CCDC40: variants seen among roughly 807,000 people sequenced by gnomAD.
The protein encoded by CCDC40 is coiled-coil domain 40 molecular ruler complex subunit, also known as coiled-coil domain-containing protein 40.
A neutral mutation model predicts 124.5 loss-of-function variants in CCDC40; 104 were observed. The ratio of observed to expected loss-of-function variants is 0.84; its 90% CI spans 0.71 to 0.98. CCDC40 has a LOEUF of 0.98. Among genes scored for constraint, CCDC40 ranks in the 50% least tolerant of loss-of-function variants. The probability of loss-of-function intolerance (pLI) is 0.00; values close to 1 mark genes in which losing one functional copy is unlikely to be tolerated. For missense variants in CCDC40, 1,463 were observed against 1,503.9 expected (o/e 0.97, Z 0.45); for synonymous variants, 580 against 602.9 (o/e 0.96, Z 0.56).
chr17:80,085,385 G>A (rs759363516), intron 13 of CCDC40, among the ~76,000 whole-genome samples: 4 of 152,204 alleles, frequency 2.6e-5, no homozygotes, highest in Non-Finnish European at 5.9e-5. Context: ...GGCCTAATGC[G>A]TTTGAGGCCT....
chr17:80,038,401 C>A lies in CCDC40; in HGVS notation c.93+215C>A, dbSNP rs138108510. On this transcript the variant is annotated intron_variant, in intron 2 of 19. Coordinates refer to ENST00000397545, the MANE Select transcript of CCDC40 (RefSeq NM_017950.4). ...TAAAAATTAGCCGGGCGTGGTGGTGCGCACATGTAGTCCCAGCTACTCGGG... is the reference window on the plus strand; with the variant it reads ...TAAAAATTAGCCGGGCGTGGTGGTGAGCACATGTAGTCCCAGCTACTCGGG... Among the ~76,000 whole-genome samples the A allele has an allele frequency of 2.2e-3, 334 of 152,112 alleles. 3 individuals are homozygous for A. The highest frequency in any genetic ancestry group is 7.9e-3 in the African/African-American group (328 of 41,464).
At chr17:80,090,666 C>T (rs1056052410) in intron 17 of CCDC40, 81 of 1,434,826 alleles carry the variant, frequency 5.6e-5, no homozygotes, top group Non-Finnish European at 6.2e-5. Context: ...TTCACAGCCG[C>T]GTTGTCTCTC....
chr17:80,059,016 C>A, intron 9 of CCDC40, 36 bp downstream of exon 9: 1 of 1,613,910 alleles, frequency 6.2e-7, no homozygotes, highest in Non-Finnish European at 8.5e-7. Flanking sequence ...GTGTTCGACC[C>A]TCCAGTGAGT....
At chr17:80,095,564 G>T in intron 18 of CCDC40, 113 bp downstream of exon 18, 1 of 1,019,852 alleles carries the variant, frequency 9.8e-7, no homozygotes, top group Non-Finnish European at 1.5e-6. Context: ...GCTGCAGTGG[G>T]GGCGTGCTCA....
chr17:80,039,578 A>C (rs763048149), intron 2 of CCDC40, among the ~76,000 whole-genome samples: 7 of 151,522 alleles, frequency 4.6e-5, no homozygotes, highest in Non-Finnish European at 8.8e-5. Flanking sequence ...TACCCAGCTA[A>C]TTTTTGTATT....
intron 4 of CCDC40, among the ~76,000 whole-genome samples, chr17:80,047,826 A>T (rs529609898): frequency 6.6e-6 from 1 of 152,092 alleles, no homozygotes; most frequent in East Asian, 1.9e-4. Flanking sequence ...GCTTTCCAGA[A>T]CCCCTGTCTT....
At position 80,050,162 on chromosome 17, in the gene CCDC40, GA is replaced by G; in HGVS notation, c.1040del (p.Lys347ArgfsTer71). ...TGGTACACCTGCAGAAGCTGCTGGA[GA>G]AGAGTCACGACCGCCACGCAATGGC... ...HLVHLQKLLEKSHDRHAMASS... is the reference protein window; with the variant it reads ...HLVHLQKLLEXSHDRHAMASS... On this transcript the variant is annotated frameshift_variant, in exon 7 of 20. Coordinates refer to ENST00000397545, the MANE Select transcript of CCDC40 (RefSeq NM_017950.4). LOFTEE classifies it high-confidence loss of function. 6.2e-7 allele frequency: 1 copy of G among 1,613,588 alleles called. No individual in the cohort carries two copies. Among genetic ancestry groups the G allele is most frequent in the Non-Finnish European group, 8.5e-7 (1 of 1,179,994 alleles).
chr17:80,088,117 C>G lies in CCDC40; in HGVS notation c.2711+15C>G. On this transcript the variant is annotated intron_variant, in intron 16 of 19. Transcript: ENST00000397545. ...GTGGAAGCAGAGTGAGTCCCAGTCT[C>G]CAGCCACACGTGGGTCATGAAGGTC... 6.3e-7 allele frequency: 1 copy of G among 1,590,382 alleles called. No individual in the cohort carries two copies.
At chr17:80,090,249 AACACGGGACGCGCGCGGGCACG>A in intron 17 of CCDC40, 3 of 867,040 alleles carry the variant, frequency 3.5e-6, no homozygotes, top group Non-Finnish European at 3.3e-6. Flanking sequence ...GTGCACGAAC[AACACGGGACGCGCGCGGGCACG>A]TGCACGAACA....
In CCDC40 at chr17:80,087,438, C is replaced by T; in HGVS notation, c.2450-169C>T. 1.5e-6 allele frequency: 1 copy of T among 687,434 alleles called. No homozygotes were observed. The highest frequency in any genetic ancestry group is 2.7e-5 in the East Asian group (1 of 36,796). 42.6% of individuals were successfully genotyped at this position (687,434 alleles called of 1,614,324 possible). A position where few individuals can be genotyped will look rare whatever the true frequency, so the allele number is the denominator to read the frequency against. ...CCCCCTGTCCTCTCCTCTCCTCTGT[C>T]CTGGCAGGGACGAGATTCAGGCAGG... is the stretch of plus-strand genomic sequence containing the variant. On this transcript the variant is annotated intron_variant, in intron 14 of 19. Coordinates refer to ENST00000397545, the MANE Select transcript of CCDC40 (RefSeq NM_017950.4). This position sits in a 1 kb window ranked among gnomAD's most constrained non-coding sequence, Gnocchi z 4.5.
intron 7 of CCDC40, among the ~76,000 whole-genome samples, chr17:80,051,650 A>AAAAAAAAG (rs1441077591): frequency 1.4e-5 from 2 of 143,718 alleles, no homozygotes; most frequent in African/African-American, 5.1e-5. Flanking sequence ...AAAAAAAAAA[A>AAAAAAAAG]AAAAGAAAAA....
chr17:80,082,800 C>A (rs542891237), intron 12 of CCDC40, among the ~76,000 whole-genome samples: 1 of 152,348 alleles, frequency 6.6e-6, no homozygotes, highest in Admixed American at 6.5e-5. Flanking sequence ...GTCTGGGCAG[C>A]CCGATAGGTC....
At chr17:80,037,635 T>C (rs1213594133) in intron 1 of CCDC40, among the ~76,000 whole-genome samples, 1 of 145,806 alleles carries the variant, frequency 6.9e-6, no homozygotes, top group East Asian at 2.1e-4. Flanking sequence ...TCTTTGAACA[T>C]ATCTATATTC....
At position 80,089,864 on chromosome 17, in the gene CCDC40, G is replaced by T. The variant is rs374752606; in HGVS notation, c.2812G>T (p.Gly938Cys). Residue 938 changes from glycine to cysteine, a missense_variant, in exon 17 of 20, where the codon GGC becomes TGC. Transcript: ENST00000397545. ...IGQTEIRAMKGEIHRMKVRLG... is the reference protein window; with the variant it reads ...IGQTEIRAMKCEIHRMKVRLG... ...CCAGACGGAGATCCGGGCCATGAAGGGCGAGATCCACAGGATGAAGGTGAG... is the reference window on the plus strand; with the variant it reads ...CCAGACGGAGATCCGGGCCATGAAGTGCGAGATCCACAGGATGAAGGTGAG... 10 of 1,614,138 alleles carry T rather than the reference G, an allele frequency of 6.2e-6. No homozygotes were observed. The highest frequency in any genetic ancestry group is 8.5e-6 in the Non-Finnish European group (10 of 1,180,056).
chr17:80,097,156 G>C (rs2038824583), intron 18 of CCDC40, 89 bp from the exon 19 acceptor site: 1 of 1,384,918 alleles, frequency 7.2e-7, no homozygotes, highest in Admixed American at 1.7e-5. Context: ...TGTGTGGAAG[G>C]TGCCTGGCAG....
At chr17:80,091,342 C>CACACAGAGAGAGAG (rs1555594249) in intron 17 of CCDC40, among the ~76,000 whole-genome samples, 1 of 144,924 alleles carries the variant, frequency 6.9e-6, no homozygotes, top group African/African-American at 2.6e-5. Context: ...CACACACACA[C>CACACAGAGAGAGAG]AGAGAGAGAG....
At position 80,067,780 on chromosome 17, in the gene CCDC40, G is replaced by GC. The variant is rs2038085879; in HGVS notation, c.1562+2179dup. On this transcript the variant is annotated intron_variant, in intron 10 of 19. Transcript: ENST00000397545. ...TGCTAAGTAGGATTGTGACAGTCACGCCCCCGGCAGCGGTGTTTCAAAGTC... is the reference window on the plus strand; with the variant it reads ...TGCTAAGTAGGATTGTGACAGTCACGCCCCCCGGCAGCGGTGTTTCAAAGTC... The GC allele has an allele frequency of 3.2e-5, 47 of 1,461,740 alleles. No individual in the cohort carries two copies. The South Asian group carries it at 5.7e-4, about 18-fold the overall frequency. 90.5% of individuals were successfully genotyped at this position (1,461,740 alleles called of 1,614,324 possible).
Position 80,048,679 on chromosome 17 carries a change from T to G in CCDC40, c.773T>G (p.Met258Arg). Residue 258 changes from methionine (M) to arginine (R), a missense_variant, in exon 5 of 20, where the codon ATG (methionine) becomes AGG (arginine). By Grantham distance (91) the Met-to-Arg change is moderately conservative. Coordinates refer to ENST00000397545, the MANE Select transcript of CCDC40 (RefSeq NM_017950.4). ...CAGCCCAGCACCGAGGAGGGGGCCA[T>G]GGCAGAGAGAGTGGAGTCCGAGGGG... is the stretch of plus-strand genomic sequence containing the variant. ...IQQPSTEEGA[M>R]AERVESEGSD... 1 of 1,614,034 alleles carries G rather than the reference T, an allele frequency of 6.2e-7. No individual in the cohort carries two copies. The highest frequency in any genetic ancestry group is 8.5e-7 in the Non-Finnish European group (1 of 1,179,972).
intron 4 of CCDC40, 50 bp downstream of exon 4, chr17:80,047,452 A>C: frequency 6.3e-7 from 1 of 1,588,034 alleles, no homozygotes; most frequent in Non-Finnish European, 8.6e-7. Flanking sequence ...AGCCACCTGC[A>C]CAGGCCCTTC....
Sources: allele counts gnomAD v4.1 joint callset (sites outside exome capture counted in the v4.1 genomes callset), GRCh38; gene constraint gnomAD v4.1.1; non-coding constraint Gnocchi (gnomAD v3.1); transcripts MANE v1.5; gene names NCBI Gene and HGNC (gene_info 2026-07-23, HGNC 2026-07-21).